ATAD2B: variants seen among roughly 807,000 people sequenced by gnomAD.
ATAD2B encodes ATPase family AAA domain-containing protein 2B.
ATAD2B carries 40 observed loss-of-function variants against 167.6 expected under a neutral mutation model. The ratio of observed to expected loss-of-function variants is 0.24; its 90% CI spans 0.19 to 0.31. The LOEUF is 0.31. Ranked by LOEUF, ATAD2B falls within the 10% of genes least tolerant of loss-of-function variation. ATAD2B has a pLI of 1.00. For synonymous variants in ATAD2B, 579 were observed against 596.5 expected, an observed-to-expected ratio of 0.97 and a Z score of 0.43; for missense variants, 1,242 against 1,757.2, an observed-to-expected ratio of 0.71 and a Z score of 5.24.
intron 1 of ATAD2B, among the ~76,000 whole-genome samples, chr2:23,917,749 A>ACCT (rs1703259019): frequency 2.0e-5 from 3 of 151,654 alleles, no homozygotes; most frequent in Admixed American, 1.3e-4. Context: ...CAACATAGTG[A>ACCT]GACTCCTGTC....
At chr2:23,906,728 G>A (rs1393590327) in intron 1 of ATAD2B, among the ~76,000 whole-genome samples, 1 of 151,698 alleles carries the variant, frequency 6.6e-6, no homozygotes, top group African/African-American at 2.4e-5. Flanking sequence ...ATAAAATACT[G>A]GCAAACTGAA....
At chr2:23,841,388 C>T (rs951537261) in intron 13 of ATAD2B, among the ~76,000 whole-genome samples, 5 of 152,128 alleles carry the variant, frequency 3.3e-5, no homozygotes, top group Admixed American at 2.0e-4. Flanking sequence ...TATAATTTTA[C>T]ACTATTTAAC....
intron 8 of ATAD2B, among the ~76,000 whole-genome samples, chr2:23,871,740 T>C (rs935075158): frequency 2.0e-5 from 3 of 152,200 alleles, no homozygotes; most frequent in East Asian, 1.9e-4. Context: ...AATGCCCACA[T>C]GTCCCATTAG....
intron 19 of ATAD2B, among the ~76,000 whole-genome samples, chr2:23,789,320 T>C (rs930034874): frequency 1.3e-5 from 2 of 152,172 alleles, no homozygotes; most frequent in African/African-American, 4.8e-5. Context: ...CTTTACCTCA[T>C]CCAAATTTGT....
chr2:23,688,929 C>A, the ATAD2B span: 1 of 152,220 alleles, frequency 6.6e-6, no homozygotes, highest in African/African-American at 2.4e-5. Context: ...GGGGGTGTCC[C>A]CTCTGGGGTC....
At chr2:23,706,625 C>T in the ATAD2B span, 27 of 1,534,756 alleles carry the variant, frequency 1.8e-5, no homozygotes, top group Middle Eastern at 1.7e-4. Flanking sequence ...TGTTCAGACA[C>T]GGCTGCGTCG....
intron 2 of ATAD2B, among the ~76,000 whole-genome samples, chr2:23,895,462 C>T (rs928544275): frequency 2.6e-5 from 4 of 151,870 alleles, no homozygotes; most frequent in African/African-American, 9.7e-5. Flanking sequence ...CTTAGTATAT[C>T]AATTCAAGTG....
At chr2:23,866,884 C>T (rs1695218186) in intron 10 of ATAD2B, among the ~76,000 whole-genome samples, 1 of 152,054 alleles carries the variant, frequency 6.6e-6, no homozygotes, top group African/African-American at 2.4e-5. Context: ...ATGCAGTAAC[C>T]TTATTCCAAA....
At chr2:23,874,819 G>A (rs1313047121) in intron 8 of ATAD2B, among the ~76,000 whole-genome samples, 1 of 152,150 alleles carries the variant, frequency 6.6e-6, no homozygotes, top group African/African-American at 2.4e-5. Context: ...CACTTTGGGA[G>A]GCCAAGGCAG....
chr2:23,818,743 A>G (rs1686989890), intron 17 of ATAD2B, among the ~76,000 whole-genome samples: 1 of 152,224 alleles, frequency 6.6e-6, no homozygotes, highest in Non-Finnish European at 1.5e-5. Flanking sequence ...CTGAAGCTTT[A>G]TGGTCCTTCA....
Position 23,819,853 on chromosome 2 carries a change from C to T in ATAD2B, c.2161G>A (p.Glu721Lys). ...DIETLILEDS[E>K]DENALSIFET... ...AAAATTGATAAAGCATTTTCATCTT[C>T]ACTATCCTCTAAAATTAAAGTTTCT... Residue 721 changes from glutamate (E) to lysine (K), a missense_variant, in exon 17 of 28, where the codon GAA (glutamate) becomes AAA (lysine). Glu to Lys is a moderately conservative substitution (Grantham distance 56, BLOSUM62 1). Coordinates refer to ENST00000238789, the MANE Select transcript of ATAD2B (RefSeq NM_017552.4). 6.3e-7 allele frequency: 1 copy of T among 1,584,984 alleles called. No individual in the cohort carries two copies. Among genetic ancestry groups the T allele is most frequent in the Non-Finnish European group, 8.7e-7 (1 of 1,155,218 alleles).
At chr2:23,802,731 C>T (rs1683698435) in intron 18 of ATAD2B, among the ~76,000 whole-genome samples, 2 of 151,798 alleles carry the variant, frequency 1.3e-5, no homozygotes, top group South Asian at 4.2e-4. Flanking sequence ...CAGACTGCTA[C>T]AGAGAAATCC....
At chr2:23,903,957 GTGGTAGTGGTGA>G (rs1701155603) in intron 1 of ATAD2B, among the ~76,000 whole-genome samples, 2 of 152,084 alleles carry the variant, frequency 1.3e-5, no homozygotes, top group Admixed American at 1.3e-4. Context: ...GGTGGTGGTG[GTGGTAGTGGTGA>G]TGGTGGTGTG....
rs1675252032 is a variant in ATAD2B at position 23,750,693 on chromosome 2, A to C, written c.*1353T>G. On this transcript the variant is annotated 3_prime_UTR_variant, in exon 28 of 28. Transcript: ENST00000238789. ...GCTGGCAAAATTTTCTTTTTGTTTA[A>C]AAATCATCTGATAAAAAAAGTCACT... 1 of 152,152 alleles carries C rather than the reference A, an allele frequency of 6.6e-6. No individual in the cohort carries two copies. Among genetic ancestry groups the C allele is most frequent in the Non-Finnish European group, 1.5e-5 (1 of 68,004 alleles). 9.4% of individuals were successfully genotyped at this position (152,152 alleles called of 1,614,324 possible).
At chr2:23,896,760 T>C (rs1700208702) in intron 1 of ATAD2B, among the ~76,000 whole-genome samples, 1 of 152,174 alleles carries the variant, frequency 6.6e-6, no homozygotes, top group East Asian at 1.9e-4. Flanking sequence ...CAGAAACACA[T>C]ATTGCATTTA....
At chr2:23,681,709 A>G in the ATAD2B span, among the ~76,000 whole-genome samples, 1 of 152,174 alleles carries the variant, frequency 6.6e-6, no homozygotes, top group Non-Finnish European at 1.5e-5. This position sits in a 1 kb window ranked among gnomAD's most constrained non-coding sequence, Gnocchi z 4.2. Context: ...AATTAGTGGC[A>G]GTGCTGGAAC....
chr2:23,831,693 TTC>T (rs1315007378), intron 14 of ATAD2B, among the ~76,000 whole-genome samples: 9 of 152,314 alleles, frequency 5.9e-5, no homozygotes, highest in African/African-American at 1.4e-4. Flanking sequence ...GCCAACAATA[TTC>T]TGTCTTCTCT....
intron 24 of ATAD2B, among the ~76,000 whole-genome samples, 192 bp from the exon 25 acceptor site, chr2:23,758,293 A>G (rs962401155): frequency 6.6e-6 from 1 of 152,214 alleles, no homozygotes; most frequent in Non-Finnish European, 1.5e-5. Context: ...GTCAGGGATG[A>G]ACTCTGCAGA....
Position 23,798,161 on chromosome 2 carries a change from T to C in ATAD2B, c.2617A>G (p.Met873Val). The C allele has an allele frequency of 1.9e-6, 3 of 1,587,266 alleles. No individual in the cohort carries two copies. The highest frequency in any genetic ancestry group is 2.3e-5 in the South Asian group (2 of 88,280). ...PIFLLSTSET[M>V]YSELPEEVKC... ...ACCTCTTCAGGCAGTTCACTGTACA[T>C]GGTTTCAGAGGTAGACAATAAAAAT... is the stretch of plus-strand genomic sequence containing the variant. The change falls in exon 19 of 28, where the codon ATG becomes GTG. Residue 873 changes from methionine (M) to valine (V), a missense_variant. Physicochemically the swap from Met to Val is conservative, Grantham distance 21. Transcript: ENST00000238789.
Sources: allele counts gnomAD v4.1 joint callset (sites outside exome capture counted in the v4.1 genomes callset), GRCh38; gene constraint gnomAD v4.1.1; non-coding constraint Gnocchi (gnomAD v3.1); transcripts MANE v1.5; gene names NCBI Gene and HGNC (gene_info 2026-07-23, HGNC 2026-07-21).